Variants in AGMO observed in about 807,000 individuals in gnomAD.
The protein encoded by AGMO is glyceryl-ether monooxygenase.
AGMO carries 75 observed loss-of-function variants against 60.2 expected under a neutral mutation model. The observed-to-expected ratio is 1.25, with a 90% confidence interval of 1.03 to 1.51. The LOEUF is 1.51. Ranked by LOEUF, AGMO falls within the 40% of genes most tolerant of loss-of-function variation. The pLI, the probability that AGMO is intolerant of heterozygous loss-of-function variation, is 0.00. For missense variants in AGMO, 763 were observed against 525.5 expected, an observed-to-expected ratio of 1.45 and a Z score of -4.42; for synonymous variants, 261 against 177.1, an observed-to-expected ratio of 1.47 and a Z score of -3.76.
intron 12 of AGMO, among the ~76,000 whole-genome samples, chr7:15,203,140 C>T (rs891112354): frequency 6.6e-6 from 1 of 152,046 alleles, no homozygotes; most frequent in Non-Finnish European, 1.5e-5. Context: ...TTCAGTGAAA[C>T]CTCATAAGTT....
chr7:15,331,087 G>A (rs1252853098), intron 12 of AGMO, among the ~76,000 whole-genome samples: 1 of 152,114 alleles, frequency 6.6e-6, no homozygotes, highest in Non-Finnish European at 1.5e-5. Context: ...ATCAAGCAGA[G>A]AGATCTATAT....
intron 12 of AGMO, among the ~76,000 whole-genome samples, chr7:15,331,427 T>C (rs919925717): frequency 6.6e-6 from 1 of 152,038 alleles, no homozygotes; most frequent in Non-Finnish European, 1.5e-5. Flanking sequence ...TATAATGAGA[T>C]TTAAAAATGT....
intron 12 of AGMO, among the ~76,000 whole-genome samples, chr7:15,202,372 C>T (rs1402192163): frequency 2.1e-5 from 3 of 142,886 alleles, no homozygotes. Context: ...GCTGTTAACT[C>T]ACAGAAAATA....
intron 3 of AGMO, among the ~76,000 whole-genome samples, chr7:15,532,617 C>T (rs1784397145): frequency 6.6e-6 from 1 of 152,090 alleles, no homozygotes; most frequent in Non-Finnish European, 1.5e-5. Flanking sequence ...TTTGCTGTGG[C>T]TGATTCCAGT....
intron 3 of AGMO, among the ~76,000 whole-genome samples, chr7:15,531,609 C>CTCTATATATTCTATATA (rs1784364473): frequency 8.8e-6 from 1 of 113,952 alleles, no homozygotes; most frequent in African/African-American, 3.5e-5. Context: ...TATATATATT[C>CTCTATATATTCTATATA]TATGTATATT....
intron 3 of AGMO, among the ~76,000 whole-genome samples, chr7:15,513,080 CTG>C (rs1783717359): frequency 6.6e-6 from 1 of 152,120 alleles, no homozygotes; most frequent in Non-Finnish European, 1.5e-5. Context: ...GTTTCATAAT[CTG>C]TGTCTGATAC....
At chr7:15,527,619 G>A (rs542345376) in intron 3 of AGMO, among the ~76,000 whole-genome samples, 4 of 152,304 alleles carry the variant, frequency 2.6e-5, no homozygotes, top group South Asian at 2.1e-4. Context: ...CAAGGTGGCT[G>A]CACTAAACAA....
At chr7:15,181,144 G>A in the AGMO span, among the ~76,000 whole-genome samples, 1 of 152,108 alleles carries the variant, frequency 6.6e-6, no homozygotes, top group Admixed American at 6.5e-5. Flanking sequence ...ATTTCAACAT[G>A]AGTTTTGGAG....
the AGMO span, among the ~76,000 whole-genome samples, chr7:15,192,787 C>A: frequency 3.9e-5 from 6 of 152,124 alleles, no homozygotes; most frequent in Non-Finnish European, 7.4e-5. Context: ...TTCCCCCTCC[C>A]ATAAGGAGTT....
In AGMO at chr7:15,544,775, G is replaced by A; in HGVS notation, c.406C>T (p.His136Tyr). The change falls in exon 3 of 13, where the codon CAT becomes TAT. Residue 136 changes from histidine to tyrosine, a missense_variant. Transcript: ENST00000342526. ...AAAGTCCTCATTTGCAGCTTACCAT[G>A]AGCCATACGATGGAACCAGTAGTAG... Reference protein sequence around the residue: ...FGYYWFHRMAHEVNIMWAGHQ... With the variant: ...FGYYWFHRMAYEVNIMWAGHQ... 6.3e-7 allele frequency: 1 copy of A among 1,594,310 alleles called. No individual in the cohort carries two copies. Among genetic ancestry groups the A allele is most frequent in the South Asian group, 1.1e-5 (1 of 87,566 alleles).
At chr7:15,159,311 T>G in the AGMO span, among the ~76,000 whole-genome samples, 1 of 152,154 alleles carries the variant, frequency 6.6e-6, no homozygotes, top group Non-Finnish European at 1.5e-5. Context: ...ACTTTTCAAA[T>G]ATCTCAAAGT....
chr7:15,402,837 C>T (rs144300251), intron 5 of AGMO, among the ~76,000 whole-genome samples: 332 of 151,646 alleles, frequency 2.2e-3, no homozygotes, highest in African/African-American at 7.7e-3. Context: ...ATTTGCATAA[C>T]AAGAGAGCAA....
chr7:15,240,723 T>C (rs1385805964), intron 12 of AGMO, among the ~76,000 whole-genome samples: 2 of 152,184 alleles, frequency 1.3e-5, no homozygotes, highest in Non-Finnish European at 2.9e-5. Flanking sequence ...AGGGCAATTT[T>C]CAGAGATCTA....
chr7:15,387,448 A>G lies in AGMO; in HGVS notation c.915T>C (p.Gly305=), dbSNP rs376742953. ...FSVIFKGPGW[G]PGKPRLGLSE... ...TGAGACCAAGTCTTGGTTTACCTGG[A>G]CCCCATCCCGGTCCCTTAAATATGA... Residue 305 remains glycine, a synonymous_variant, in exon 9 of 13, where the codon GGT becomes GGC. Coordinates refer to ENST00000342526, the MANE Select transcript of AGMO (RefSeq NM_001004320.2). 6.2e-7 allele frequency: 1 copy of G among 1,613,838 alleles called. No individual in the cohort carries two copies. The highest frequency in any genetic ancestry group is 1.3e-5 in the African/African-American group (1 of 74,890).
the AGMO span, among the ~76,000 whole-genome samples, chr7:15,132,951 G>T: frequency 3.3e-5 from 5 of 152,114 alleles, no homozygotes; most frequent in African/African-American, 4.8e-5. Context: ...AGGCAAGAGG[G>T]ATGCAAGAGG....
chr7:15,406,577 CA>C (rs1562491371), intron 5 of AGMO, among the ~76,000 whole-genome samples: 1 of 128,766 alleles, frequency 7.8e-6, no homozygotes, highest in Non-Finnish European at 1.6e-5. Context: ...CACACACACA[CA>C]CACACACACA....
At chr7:15,391,023 C>A (rs1349747944) in intron 6 of AGMO, 118 bp from the exon 7 acceptor site, 1 of 612,822 alleles carries the variant, frequency 1.6e-6, no homozygotes, top group African/African-American at 1.9e-5. Context: ...GGTACAATTT[C>A]CCTGGGAATG....
intron 5 of AGMO, among the ~76,000 whole-genome samples, chr7:15,412,685 A>T (rs542217474): frequency 0.013 from 1,293 of 99,348 alleles, 10 homozygotes; most frequent in African/African-American, 0.059. Context: ...TTCATTATTT[A>T]AAAAAAAAAA....
chr7:15,393,627 T>C (rs1784242231), intron 6 of AGMO, among the ~76,000 whole-genome samples: 1 of 152,222 alleles, frequency 6.6e-6, no homozygotes, highest in African/African-American at 2.4e-5. Flanking sequence ...CTTGGGATTT[T>C]CTCGTCAGGG....
Sources: gnomAD v4.1 joint callset for allele counts (sites outside exome capture counted in the v4.1 genomes callset) on GRCh38, gnomAD v4.1.1 for gene constraint, MANE v1.5 for transcripts, NCBI Gene and HGNC (gene_info 2026-07-23, HGNC 2026-07-21) for gene names.